SETD1B: variants seen among roughly 807,000 people sequenced by gnomAD.
SETD1B encodes the protein SET domain containing 1B, histone lysine methyltransferase, also known as histone-lysine N-methyltransferase SETD1B.
Under a neutral mutation model 148.0 loss-of-function variants are expected in SETD1B, and 7 were observed. The observed-to-expected ratio is 0.05, with a 90% CI of 0.03 to 0.09. SETD1B has a LOEUF of 0.09. SETD1B is among the 10% of genes least tolerant of loss of function. The pLI is 1.00. For synonymous variants in SETD1B, 1,361 were observed against 1,186.5 expected (o/e 1.15, Z -3.02); for missense variants, 2,155 against 2,729.9 (o/e 0.79, Z 4.69).
intron 16 of SETD1B, among the ~76,000 whole-genome samples, chr12:121,828,393 T>C (rs1876943797): frequency 6.6e-6 from 1 of 152,370 alleles, no homozygotes; most frequent in African/African-American, 2.4e-5. Flanking sequence ...CCTTCATTGG[T>C]CAGGCTCAGT....
chr12:121,824,339 A>G (rs1000398805), intron 12 of SETD1B, among the ~76,000 whole-genome samples: 1 of 152,168 alleles, frequency 6.6e-6, no homozygotes, highest in Non-Finnish European at 1.5e-5. Context: ...GTGAGCACTC[A>G]GTTTGTGTCA....
chr12:121,793,158 T>A, the SETD1B span: 1 of 1,549,998 alleles, frequency 6.5e-7, no homozygotes, highest in Non-Finnish European at 8.7e-7. Flanking sequence ...TCACCGGCCG[T>A]GTCGTAGAGG....
In SETD1B at chr12:121,817,257, G is replaced by T. The variant is rs1185609897; in HGVS notation, c.2940G>T (p.Arg980=). 20 of 1,550,870 alleles carry T rather than the reference G, an allele frequency of 1.3e-5. No homozygotes were observed. In the Admixed American group the frequency reaches 2.0e-4, roughly 15 times the overall value. The change falls in exon 8 of 17, where the codon CGG becomes CGT. Residue 980 remains arginine, a synonymous_variant. Transcript: ENST00000604567. The surrounding 1 kb of genome is among the most constrained non-coding windows in gnomAD (Gnocchi z 8.1). Reference sequence around the variant, plus strand: ...CCACCTCATCTGGCGACCAGAAGCGGCTGCGGCCCTCGACCTCTGTGGATG... The same window carrying T: ...CCACCTCATCTGGCGACCAGAAGCGTCTGCGGCCCTCGACCTCTGTGGATG... The part of the protein sequence containing the change: ...PDTTSSGDQK[R]LRPSTSVDEE...
At position 121,823,439 on chromosome 12, in the gene SETD1B, G is replaced by C; in HGVS notation, c.4860G>C (p.Pro1620=). ...DNQWPSEAIP[P]GPRGRDEVTE... ...AGTGGCCCTCCGAGGCCATTCCTCC[G>C]GGCCCCCGTGGGCGCGATGAGGTCA... The change falls in exon 12 of 17, where the codon CCG becomes CCC. Residue 1620 remains proline, a synonymous_variant. Coordinates refer to ENST00000604567, the MANE Select transcript of SETD1B (RefSeq NM_001353345.2). 2.6e-6 allele frequency: 4 copies of C among 1,547,688 alleles called. No individual in the cohort carries two copies. The highest frequency in any genetic ancestry group is 3.5e-6 in the Non-Finnish European group (4 of 1,146,654).
rs991999399 is a variant in SETD1B at position 121,810,277 on chromosome 12, C to G, written c.1332C>G (p.Ala444=). ...PPPLPPAEPL[A]KEKPGTPPGP... The stretch of plus-strand genomic sequence containing the variant: ...CCCTGCCACCTGCTGAGCCTCTGGC[C>G]AAGGAGAAGCCAGGCACGCCACCCG... Residue 444 remains alanine, a synonymous_variant, in exon 6 of 17, where the codon GCC becomes GCG. Transcript: ENST00000604567. This position sits in a 1 kb window ranked among gnomAD's most constrained non-coding sequence, Gnocchi z 7.6. The G allele has an allele frequency of 1.9e-6, 3 of 1,544,388 alleles. No homozygotes were observed. Among genetic ancestry groups the G allele is most frequent in the Non-Finnish European group, 2.6e-6 (3 of 1,146,698 alleles).
intron 16 of SETD1B, among the ~76,000 whole-genome samples, chr12:121,829,639 A>G (rs1876999810): frequency 6.6e-6 from 1 of 152,222 alleles, no homozygotes; most frequent in South Asian, 2.1e-4. Context: ...TATGGCAACT[A>G]CTGAACTTGG....
Position 121,823,047 on chromosome 12 carries a change from T to C in SETD1B, c.4468T>C (p.Leu1490=), listed in dbSNP as rs1340348668. The C allele has an allele frequency of 6.6e-7, 1 of 1,516,368 alleles. No homozygotes were observed. The highest frequency in any genetic ancestry group is 2.0e-5 in the Admixed American group (1 of 49,702). The allele number at this position is 1,516,368 out of a possible 1,614,324, so 93.9% of individuals were successfully genotyped here. A position where few individuals can be genotyped will look rare whatever the true frequency, so the allele number is the denominator to read the frequency against. ...CTTGCCCTTGGCATTGCCCGCCGTC[T>C]TGCGGGCCCAGGCTCGTGCGCCCAC... ...LPLPLALPAV[L]RAQARAPTPL... The change falls in exon 12 of 17, where the codon TTG becomes CTG. Residue 1490 remains leucine, a synonymous_variant. Coordinates refer to ENST00000604567, the MANE Select transcript of SETD1B (RefSeq NM_001353345.2).
intron 14 of SETD1B, 28 bp downstream of exon 14, chr12:121,827,678 G>A (rs1404261008): frequency 9.7e-6 from 15 of 1,551,410 alleles, no homozygotes; most frequent in Middle Eastern, 1.7e-4. Flanking sequence ...CCAGATCGCC[G>A]GGGTGGCGGC....
chr12:121,824,180 A>G (rs1020807808), intron 12 of SETD1B, among the ~76,000 whole-genome samples: 1 of 152,250 alleles, frequency 6.6e-6, no homozygotes, highest in Non-Finnish European at 1.5e-5. Context: ...CCAAAGACAC[A>G]GCTACAGGTG....
In SETD1B at chr12:121,817,631, CGGAGGA is replaced by C. The variant is rs71079098; in HGVS notation, c.3255_3260del (p.Glu1086_Glu1087del). ...GAGAGCACCGAGGAGGAAGAGGAGG[CGGAGGA>C]GGAGGAGGAGGAGGAAGTCCCCAGG... On this transcript the variant is annotated inframe_deletion, in exon 9 of 17. Coordinates refer to ENST00000604567, the MANE Select transcript of SETD1B (RefSeq NM_001353345.2). This position sits in a 1 kb window ranked among gnomAD's most constrained non-coding sequence, Gnocchi z 8.1. 1.3e-3 allele frequency: 2,070 copies of C among 1,548,556 alleles called. 22 individuals are homozygous for C. The South Asian group carries it at 0.02, about 15-fold the overall frequency.
intron 7 of SETD1B, among the ~76,000 whole-genome samples, chr12:121,815,143 G>A (rs550510653): frequency 3.3e-4 from 51 of 152,254 alleles, no homozygotes; most frequent in African/African-American, 1.2e-3. Flanking sequence ...ATTTAAATGA[G>A]TGGCCAGGCA....
Position 121,804,756 on chromosome 12 carries a change from C to A in SETD1B, c.19C>A (p.Pro7Thr). 1 of 1,550,402 alleles carries A rather than the reference C, an allele frequency of 6.4e-7. No individual in the cohort carries two copies. Among genetic ancestry groups the A allele is most frequent in the Admixed American group, 2.0e-5 (1 of 50,862 alleles). Reference protein sequence around the residue: MENSHPPHHHHQQPPPQ... With the variant: MENSHPTHHHHQQPPPQ... The stretch of plus-strand genomic sequence containing the variant: ...TAACGGCATGGAGAACAGTCACCCC[C>A]CCCACCACCACCACCAGCAGCCCCC... Residue 7 changes from proline to threonine, a missense_variant, in exon 2 of 17, where the codon CCC becomes ACC. Pro to Thr is a conservative substitution (Grantham distance 38). Transcript: ENST00000604567. This position sits in a 1 kb window ranked among gnomAD's most constrained non-coding sequence, Gnocchi z 4.6.
intron 7 of SETD1B, among the ~76,000 whole-genome samples, chr12:121,815,406 C>T (rs144757710): frequency 2.0e-5 from 3 of 151,856 alleles, no homozygotes; most frequent in African/African-American, 4.8e-5. Flanking sequence ...CTGCCCCCCC[C>T]GCCCATTGCA....
chr12:121,830,497 A>C lies in SETD1B; in HGVS notation c.*258A>C. ...ACGCCCCTTTCAGGATTTCTGTTTA[A>C]CTCCAGCATCAGCTTCTCTCTCTCC... is the stretch of plus-strand genomic sequence containing the variant. On this transcript the variant is annotated 3_prime_UTR_variant, in exon 17 of 17. Coordinates refer to ENST00000604567, the MANE Select transcript of SETD1B (RefSeq NM_001353345.2). The surrounding 1 kb of genome is among the most constrained non-coding windows in gnomAD (Gnocchi z 5.7). The C allele has an allele frequency of 1.0e-5, 4 of 385,502 alleles. No individual in the cohort carries two copies. The highest frequency in any genetic ancestry group is 4.2e-5 in the East Asian group (1 of 23,640). 23.9% of individuals were successfully genotyped at this position (385,502 alleles called of 1,614,324 possible). A position where few individuals can be genotyped will look rare whatever the true frequency, so the allele number is the denominator to read the frequency against.
intron 12 of SETD1B, 67 bp downstream of exon 12, chr12:121,823,816 G>A: frequency 6.8e-7 from 1 of 1,479,342 alleles, no homozygotes; most frequent in Non-Finnish European, 9.0e-7. Context: ...ACCTCTCTGG[G>A]CCCCACCACC....
At chr12:121,793,378 C>T in the SETD1B span, 1 of 1,448,194 alleles carries the variant, frequency 6.9e-7, no homozygotes, top group Non-Finnish European at 9.4e-7. Flanking sequence ...CCCGAGGGGG[C>T]GCCCCGGGGT....
chr12:121,808,205 C>T lies in SETD1B; in HGVS notation c.545-3C>T. 6.5e-7 allele frequency: 1 copy of T among 1,550,120 alleles called. No homozygotes were observed. The highest frequency in any genetic ancestry group is 8.7e-7 in the Non-Finnish European group (1 of 1,145,884). On this transcript the variant is annotated splice_polypyrimidine_tract_variant and splice_region_variant and intron_variant, in intron 4 of 16. Transcript: ENST00000604567. This position sits in a 1 kb window ranked among gnomAD's most constrained non-coding sequence, Gnocchi z 5.3. ...GAGTTCCCCCTTTCCTGCCCATCTA[C>T]AGGGGAAACCCGAATGCGGTTCTAT...
chr12:121,813,961 A>G, intron 6 of SETD1B, 145 bp from the exon 7 acceptor site: 2 of 615,668 alleles, frequency 3.2e-6, no homozygotes, highest in East Asian at 3.1e-5. Flanking sequence ...TTGCAAATGA[A>G]GACGCTGAGG....
chr12:121,811,587 C>T (rs1426636047), intron 6 of SETD1B, among the ~76,000 whole-genome samples: 1 of 152,244 alleles, frequency 6.6e-6, no homozygotes, highest in Middle Eastern at 3.4e-3. Context: ...GCCAGGTTCC[C>T]CTGGGAGGGT....
Sources: allele counts gnomAD v4.1 joint callset (sites outside exome capture counted in the v4.1 genomes callset), GRCh38; gene constraint gnomAD v4.1.1; non-coding constraint Gnocchi (gnomAD v3.1); transcripts MANE v1.5; gene names NCBI Gene and HGNC (gene_info 2026-07-23, HGNC 2026-07-21).